The following EPHA7 variants were observed in gnomAD, a reference collection of about 807,000 sequenced individuals.
EPHA7 encodes the protein EPH receptor A7.
EPHA7 carries 25 observed loss-of-function variants against 112.6 expected under a neutral mutation model. That is an observed-to-expected ratio of 0.22 (90% CI 0.16 to 0.31). The LOEUF is 0.31. Ranked by LOEUF, EPHA7 falls within the 10% of genes least tolerant of loss-of-function variation. The pLI is 1.00. For missense variants in EPHA7, 962 were observed against 1,212.6 expected (o/e 0.79, Z 3.07); for synonymous variants, 437 against 406.5 (o/e 1.07, Z -0.90).
intron 1 of EPHA7, among the ~76,000 whole-genome samples, chr6:93,416,414 T>C (rs1779228543): frequency 6.6e-6 from 1 of 152,110 alleles, no homozygotes; most frequent in South Asian, 2.1e-4. Context: ...GAGAGTGAAA[T>C]AAACATTGCG....
intron 5 of EPHA7, among the ~76,000 whole-genome samples, chr6:93,337,441 A>T (rs1386448895): frequency 1.3e-5 from 2 of 152,302 alleles, no homozygotes; most frequent in Non-Finnish European, 1.5e-5. Context: ...TTAGAAAAAA[A>T]GTACTTGTAT....
Position 93,351,284 on chromosome 6 carries a change from A to G in EPHA7, c.1324+5433T>C, listed in dbSNP as rs370786662. 6.6e-5 allele frequency among the ~76,000 whole-genome samples: 10 copies of G among 152,140 alleles called. No homozygotes were observed. In the East Asian group the frequency reaches 1.4e-3, roughly 21 times the overall value. On this transcript the variant is annotated intron_variant, in intron 5 of 16. Coordinates refer to ENST00000369303, the MANE Select transcript of EPHA7 (RefSeq NM_004440.4). ...CCCCATGGAGTTGGCTGATGATTCC[A>G]ATGAGACCCCATCACAGCTCAGCCC...
At chr6:93,304,405 G>A (rs1251573010) in intron 5 of EPHA7, among the ~76,000 whole-genome samples, 1 of 151,936 alleles carries the variant, frequency 6.6e-6, no homozygotes, top group Non-Finnish European at 1.5e-5. Flanking sequence ...GCCAATGCTG[G>A]CAGCAATGCT....
chr6:93,257,567 G>T, intron 11 of EPHA7, 44 bp from the exon 12 acceptor site: 1 of 1,318,406 alleles, frequency 7.6e-7, no homozygotes. Flanking sequence ...AACCTGAGCT[G>T]GAGGGTCATT....
chr6:93,345,140 A>C (rs1276621795), intron 5 of EPHA7, among the ~76,000 whole-genome samples: 1 of 151,712 alleles, frequency 6.6e-6, no homozygotes, highest in African/African-American at 2.4e-5. Context: ...ACTAGAGTTA[A>C]GGGTGCTGAG....
chr6:93,322,304 G>C (rs1774112691), intron 5 of EPHA7, among the ~76,000 whole-genome samples: 2 of 151,622 alleles, frequency 1.3e-5, no homozygotes, highest in Admixed American at 6.6e-5. Flanking sequence ...AAAAAATATA[G>C]CATTAATTAC....
At chr6:93,259,309 T>A (rs372884477) in intron 10 of EPHA7, 45 bp downstream of exon 10, 75 of 1,606,184 alleles carry the variant, frequency 4.7e-5, no homozygotes, top group Middle Eastern at 3.3e-4. Flanking sequence ...ACTTTCGATC[T>A]TGGCTAAATG....
intron 3 of EPHA7, among the ~76,000 whole-genome samples, chr6:93,384,055 A>G (rs908842761): frequency 6.6e-6 from 1 of 152,216 alleles, no homozygotes; most frequent in African/African-American, 2.4e-5. Context: ...AATCAGTATC[A>G]GGAAAGTAAA....
chr6:93,380,488 C>T (rs894611220), intron 3 of EPHA7, among the ~76,000 whole-genome samples: 1 of 152,046 alleles, frequency 6.6e-6, no homozygotes, highest in African/African-American at 2.4e-5. Context: ...AAGTGGCATT[C>T]TCACTGGGAT....
At chr6:93,288,563 T>C (rs1016671028) in intron 5 of EPHA7, among the ~76,000 whole-genome samples, 1 of 152,218 alleles carries the variant, frequency 6.6e-6, no homozygotes, top group Non-Finnish European at 1.5e-5. Flanking sequence ...AAATTATACT[T>C]AATAAAAACT....
At chr6:93,340,278 G>T (rs984259736) in intron 5 of EPHA7, among the ~76,000 whole-genome samples, 1 of 151,738 alleles carries the variant, frequency 6.6e-6, no homozygotes, top group African/African-American at 2.4e-5. Context: ...ATTCAGTAAT[G>T]AATCTTCTTG....
chr6:93,343,018 C>T (rs1492966), intron 5 of EPHA7, among the ~76,000 whole-genome samples: 7,251 of 151,652 alleles, frequency 0.048, 227 homozygotes, highest in African/African-American at 0.073. Context: ...ATAATAATAA[C>T]CTAAGCATAA....
intron 5 of EPHA7, among the ~76,000 whole-genome samples, chr6:93,334,238 C>G (rs544982532): frequency 2.6e-5 from 4 of 151,998 alleles, no homozygotes; most frequent in African/African-American, 7.2e-5. Context: ...ACACCGTATA[C>G]GGAAATAAAC....
rs1769724413 is a variant in EPHA7 at position 93,242,337 on chromosome 6, C to T, written c.*1089G>A. On this transcript the variant is annotated 3_prime_UTR_variant, in exon 17 of 17. Coordinates refer to ENST00000369303, the MANE Select transcript of EPHA7 (RefSeq NM_004440.4). The stretch of plus-strand genomic sequence containing the variant: ...TTAAATGGTGAAAATTGTGAACTGC[C>T]CCTTTATCATGCTTCAGAGTTATAA... 5.0e-6 allele frequency: 1 copy of T among 201,022 alleles called. No homozygotes were observed. The highest frequency in any genetic ancestry group is 2.3e-5 in the African/African-American group (1 of 43,504). 12.5% of individuals were successfully genotyped at this position (201,022 alleles called of 1,614,324 possible).
chr6:93,338,037 A>G (rs1368204872), intron 5 of EPHA7, among the ~76,000 whole-genome samples: 1 of 152,062 alleles, frequency 6.6e-6, no homozygotes, highest in Non-Finnish European at 1.5e-5. Flanking sequence ...AAAGGGAGAT[A>G]ACTCATCAAA....
chr6:93,304,294 T>C (rs1773143823), intron 5 of EPHA7, among the ~76,000 whole-genome samples: 1 of 151,914 alleles, frequency 6.6e-6, no homozygotes, highest in Non-Finnish European at 1.5e-5. Flanking sequence ...ATTTGTGATT[T>C]ATTCTCAGTT....
intron 5 of EPHA7, among the ~76,000 whole-genome samples, chr6:93,324,523 A>T (rs1488618454): frequency 6.6e-6 from 1 of 151,414 alleles, no homozygotes; most frequent in East Asian, 1.9e-4. Context: ...CACAGAACTC[A>T]TACAACATGT....
chr6:93,368,710 C>A (rs2127957546), intron 3 of EPHA7, among the ~76,000 whole-genome samples: 1 of 152,228 alleles, frequency 6.6e-6, no homozygotes, highest in South Asian at 2.1e-4. Flanking sequence ...AGCTATACTT[C>A]TATGCAAAGC....
chr6:93,304,853 T>A (rs115002962), intron 5 of EPHA7, among the ~76,000 whole-genome samples: 1 of 152,018 alleles, frequency 6.6e-6, no homozygotes, highest in Non-Finnish European at 1.5e-5. Context: ...ACAGATGGTG[T>A]TCTGTTTGGA....
Sources: allele counts gnomAD v4.1 joint callset (sites outside exome capture counted in the v4.1 genomes callset), GRCh38; gene constraint gnomAD v4.1.1; transcripts MANE v1.5; gene names NCBI Gene and HGNC (gene_info 2026-07-23, HGNC 2026-07-21).